The following RNF19A variants were observed in gnomAD, a reference collection of about 807,000 sequenced individuals.
RNF19A encodes the protein E3 ubiquitin-protein ligase RNF19A.
Under a neutral mutation model 75.7 loss-of-function variants are expected in RNF19A, and 32 were observed. The observed-to-expected ratio is 0.42, with a 90% confidence interval of 0.32 to 0.57. RNF19A has a LOEUF of 0.57. RNF19A is among the 20% of genes least tolerant of loss of function. The pLI is 0.10. For synonymous variants in RNF19A, 335 were observed against 345.2 expected (o/e 0.97, Z 0.33); for missense variants, 782 against 1,036.3 (o/e 0.75, Z 3.37).
intron 1 of RNF19A, among the ~76,000 whole-genome samples, chr8:100,295,210 T>C (rs1392679776): frequency 6.6e-6 from 1 of 152,244 alleles, no homozygotes; most frequent in African/African-American, 2.4e-5. Flanking sequence ...AAGAAAAAAA[T>C]TGATTTTTAT....
chr8:100,269,091 T>A lies in RNF19A; in HGVS notation c.1029-144A>T. On this transcript the variant is annotated intron_variant, in intron 4 of 9. Transcript: ENST00000341084. The surrounding 1 kb of genome is among the most constrained non-coding windows in gnomAD (Gnocchi z 5.7). ...CCTTTAAATTCTGAGTTCATTAAAC[T>A]AAGGTAAGAACCACTATAAATTATA... 2 of 452,438 alleles carry A rather than the reference T, an allele frequency of 4.4e-6. No homozygotes were observed. Among genetic ancestry groups the A allele is most frequent in the Non-Finnish European group, 7.6e-6 (2 of 261,948 alleles). 28.0% of individuals were successfully genotyped at this position (452,438 alleles called of 1,614,324 possible).
intron 1 of RNF19A, among the ~76,000 whole-genome samples, chr8:100,308,330 T>G (rs1005534079): frequency 1.3e-5 from 2 of 152,188 alleles, no homozygotes; most frequent in Non-Finnish European, 2.9e-5. Flanking sequence ...ATTTTAAAAG[T>G]GTTTTTTTAG....
chr8:100,278,038 G>C (rs1197284335), intron 2 of RNF19A, among the ~76,000 whole-genome samples: 2 of 152,238 alleles, frequency 1.3e-5, no homozygotes, highest in African/African-American at 2.4e-5. Flanking sequence ...AGCGTGGCCA[G>C]TTCAAATTCT....
chr8:100,285,745 G>A (rs574464371), intron 2 of RNF19A, among the ~76,000 whole-genome samples: 28 of 151,722 alleles, frequency 1.8e-4, no homozygotes, highest in Non-Finnish European at 3.7e-4. Flanking sequence ...TTACCTTCCC[G>A]TCTTGGCCTC....
At chr8:100,292,604 A>G (rs1230129685) in intron 1 of RNF19A, among the ~76,000 whole-genome samples, 2 of 152,052 alleles carry the variant, frequency 1.3e-5, no homozygotes, top group African/African-American at 2.4e-5. Context: ...CCACTCTAAG[A>G]TTATATTTTT....
chr8:100,287,602 T>C lies in RNF19A; in HGVS notation c.573A>G (p.Ile191Met). The C allele has an allele frequency of 1.9e-6, 3 of 1,614,140 alleles. No individual in the cohort carries two copies. Residue 191 changes from isoleucine (I) to methionine (M), a missense_variant, in exon 2 of 10, where the codon ATA (isoleucine) becomes ATG (methionine). By Grantham distance (10) the Ile-to-Met change is conservative (BLOSUM62 1). Around this residue, in one of 7 missense-constraint regions of RNF19A, gnomAD observed 85 missense variants for 177.7 expected, o/e 0.48. Coordinates refer to ENST00000341084, the MANE Select transcript of RNF19A (RefSeq NM_183419.4). The surrounding 1 kb of genome is among the most constrained non-coding windows in gnomAD (Gnocchi z 4.1). The part of the protein sequence containing the change: ...ERFNPHDIRL[I>M]LSDDVLMEKY... ...TTTCCATCAAGACATCATCACTTAA[T>C]ATCAAGCGAATATCATGGGGATTAA...
At chr8:100,303,907 A>G (rs1474746127) in intron 1 of RNF19A, among the ~76,000 whole-genome samples, 7 of 152,044 alleles carry the variant, frequency 4.6e-5, no homozygotes, top group Non-Finnish European at 1.0e-4. Flanking sequence ...ACTGCACTCC[A>G]GCCTGGGTGA....
At chr8:100,319,616 C>T (rs1026003410) in intron 1 of RNF19A, among the ~76,000 whole-genome samples, 2 of 151,142 alleles carry the variant, frequency 1.3e-5, no homozygotes, top group Non-Finnish European at 3.0e-5. Context: ...TGCAACCTCC[C>T]GCTCCCAGGT....
At chr8:100,321,462 C>G (rs1312592779) in intron 1 of RNF19A, among the ~76,000 whole-genome samples, 2 of 152,348 alleles carry the variant, frequency 1.3e-5, no homozygotes, top group East Asian at 3.9e-4. Context: ...AATTCTAGTT[C>G]TCTTGCTATT....
At chr8:100,299,325 A>G (rs1441966583) in intron 1 of RNF19A, among the ~76,000 whole-genome samples, 2 of 152,224 alleles carry the variant, frequency 1.3e-5, no homozygotes, top group Non-Finnish European at 2.9e-5. Context: ...GGATAAACAA[A>G]TAATTGTTGT....
At chr8:100,263,407 A>AT (rs1337698314) in intron 7 of RNF19A, among the ~76,000 whole-genome samples, 1 of 152,214 alleles carries the variant, frequency 6.6e-6, no homozygotes, top group Non-Finnish European at 1.5e-5. Context: ...GCTTCAGTGA[A>AT]TAGCAGAAAT....
chr8:100,315,159 A>G (rs1822354118), intron 1 of RNF19A, among the ~76,000 whole-genome samples: 1 of 152,148 alleles, frequency 6.6e-6, no homozygotes, highest in Non-Finnish European at 1.5e-5. Flanking sequence ...ATGGTGGCAC[A>G]CACCTGTAGT....
At chr8:100,318,898 G>T (rs1822424217) in intron 1 of RNF19A, among the ~76,000 whole-genome samples, 1 of 152,230 alleles carries the variant, frequency 6.6e-6, no homozygotes, top group African/African-American at 2.4e-5. Context: ...GCACAGTCCA[G>T]ATGATAACAG....
At position 100,260,689 on chromosome 8, in the gene RNF19A, C is replaced by G. The variant is rs1176181306; in HGVS notation, c.1683-692G>C. Among the ~76,000 whole-genome samples the G allele has an allele frequency of 3.9e-5, 6 of 152,098 alleles. No individual in the cohort carries two copies. Among genetic ancestry groups the G allele is most frequent in the African/African-American group, 1.2e-4 (5 of 41,408 alleles). On this transcript the variant is annotated intron_variant, in intron 8 of 9. Transcript: ENST00000341084. The surrounding 1 kb of genome is among the most constrained non-coding windows in gnomAD (Gnocchi z 4.1). ...TATCTTTTAATTCATGTATTCTCCC[C>G]TACACTTAAAAAAAGCAAGGCTAAT...
intron 2 of RNF19A, among the ~76,000 whole-genome samples, chr8:100,278,707 T>C (rs1403964045): frequency 2.0e-5 from 3 of 152,148 alleles, no homozygotes; most frequent in Non-Finnish European, 4.4e-5. Context: ...CTGTTCAATA[T>C]ACTAGTATTC....
intron 2 of RNF19A, among the ~76,000 whole-genome samples, chr8:100,283,700 TTAA>T (rs1193277428): frequency 6.6e-6 from 1 of 152,144 alleles, no homozygotes; most frequent in Non-Finnish European, 1.5e-5. Context: ...TTAAGTAAAA[TTAA>T]TGTCAGATAC....
intron 1 of RNF19A, among the ~76,000 whole-genome samples, chr8:100,315,719 C>T (rs1049852395): frequency 4.6e-5 from 7 of 152,118 alleles, no homozygotes; most frequent in South Asian, 2.1e-4. Flanking sequence ...TGGTGCAGTG[C>T]GATCACCTTG....
In RNF19A at chr8:100,264,158, G is replaced by A. The variant is rs1052398343; in HGVS notation, c.1344C>T (p.Gly448=). The change falls in exon 7 of 10, where the codon GGC becomes GGT. Residue 448 remains glycine, a synonymous_variant. Coordinates refer to ENST00000341084, the MANE Select transcript of RNF19A (RefSeq NM_183419.4). The surrounding 1 kb of genome is among the most constrained non-coding windows in gnomAD (Gnocchi z 4.7). ...TTCGACAAAGAGAAATTGGAACTACGCCATAGACATAAGCTAACATAATAG... is the reference window on the plus strand; with the variant it reads ...TTCGACAAAGAGAAATTGGAACTACACCATAGACATAAGCTAACATAATAG... The part of the protein sequence containing the change: ...GVPIMLAYVY[G]VVPISLCRSG... The A allele has an allele frequency of 5.0e-6, 8 of 1,613,212 alleles. No homozygotes were observed. The highest frequency in any genetic ancestry group is 2.2e-5 in the South Asian group (2 of 91,042).
intron 1 of RNF19A, among the ~76,000 whole-genome samples, chr8:100,321,602 C>T (rs1184624551): frequency 1.3e-5 from 2 of 152,212 alleles, no homozygotes; most frequent in African/African-American, 4.8e-5. Flanking sequence ...TGACAAATAG[C>T]TTCCAGCTTG....
Sources: allele counts gnomAD v4.1 joint callset (sites outside exome capture counted in the v4.1 genomes callset), GRCh38; gene constraint gnomAD v4.1.1; regional missense constraint gnomAD v4.1.1; non-coding constraint Gnocchi (gnomAD v3.1); transcripts MANE v1.5; gene names NCBI Gene and HGNC (gene_info 2026-07-23, HGNC 2026-07-21).